The following MTA1 variants were observed in gnomAD, a reference collection of about 807,000 sequenced individuals.
MTA1 encodes metastasis associated 1.
In MTA1, 15 loss-of-function variants were observed where a neutral mutation model predicts 97.0. The ratio of observed to expected loss-of-function variants is 0.15; its 90% CI spans 0.10 to 0.24. MTA1 has a LOEUF of 0.24. MTA1 is among the 10% of genes least tolerant of loss of function. The pLI is 1.00. For missense variants in MTA1, 709 were observed against 1,015.1 expected (o/e 0.70, Z 4.10); for synonymous variants, 435 against 417.5 (o/e 1.04, Z -0.51).
intron 3 of MTA1, among the ~76,000 whole-genome samples, chr14:105,446,273 G>A (rs1423610393): frequency 6.6e-6 from 1 of 152,200 alleles, no homozygotes; most frequent in Non-Finnish European, 1.5e-5. Context: ...GTGGGGGCAG[G>A]CATGAGGGGC....
Position 105,466,438 on chromosome 14 carries a change from G to GCCCCCCCCCCCCCCCCCCCCCCCC in MTA1, c.1644_1645insCCCCCCCCCCCCCCCCCCCCCCCC (p.Pro548_Lys549insProProProProProProProPro). The GCCCCCCCCCCCCCCCCCCCCCCCC allele has an allele frequency of 1.0e-6, 1 of 988,118 alleles. No homozygotes were observed. 61.2% of individuals were successfully genotyped at this position (988,118 alleles called of 1,614,324 possible). A position where few individuals can be genotyped will look rare whatever the true frequency, so the allele number is the denominator to read the frequency against. Reference sequence around the variant, plus strand: ...TCATTCCCGGCAGAGACCCACCCCCGCCCCCCCAAGCCTGACCCCGTGAAA... The same window carrying GCCCCCCCCCCCCCCCCCCCCCCCC: ...TCATTCCCGGCAGAGACCCACCCCCGCCCCCCCCCCCCCCCCCCCCCCCCCCCCCCCAAGCCTGACCCCGTGAAA... On this transcript the variant is annotated inframe_insertion, in exon 17 of 21. Transcript: ENST00000331320.
At position 105,453,186 on chromosome 14, in the gene MTA1, G is replaced by A. The variant is rs587601770; in HGVS notation, c.433-1007G>A. Among the ~76,000 whole-genome samples, 12 of 152,400 alleles carry A rather than the reference G, an allele frequency of 7.9e-5. No individual in the cohort carries two copies. The South Asian group carries it at 1.2e-3, about 16-fold the overall frequency. On this transcript the variant is annotated intron_variant, in intron 6 of 20. Coordinates refer to ENST00000331320, the MANE Select transcript of MTA1 (RefSeq NM_004689.4). Reference sequence around the variant, plus strand: ...AGGTTGCCTGAGATGGAATGCTGGCGGGAAGGGCCGCGCCTGCTGCGCGGG... The same window carrying A: ...AGGTTGCCTGAGATGGAATGCTGGCAGGAAGGGCCGCGCCTGCTGCGCGGG...
chr14:105,440,907 C>A (rs1555425503), intron 2 of MTA1, among the ~76,000 whole-genome samples: 1 of 152,232 alleles, frequency 6.6e-6, no homozygotes, highest in African/African-American at 2.4e-5. Context: ...TGAACGCCCC[C>A]TCAAATAACA....
chr14:105,448,847 C>G (rs1288384183), intron 3 of MTA1, among the ~76,000 whole-genome samples: 1 of 152,270 alleles, frequency 6.6e-6, no homozygotes, highest in Non-Finnish European at 1.5e-5. Context: ...GTGGTCCCAT[C>G]TGGGGACCTT....
rs139111656 is a variant in MTA1 at position 105,454,629 on chromosome 14, C to T, written c.550+319C>T. The T allele has an allele frequency of 7.1e-5, 17 of 239,132 alleles. 1 individual carries two copies. In the East Asian group the frequency reaches 1.4e-3, roughly 19 times the overall value. The allele number at this position is 239,132 out of a possible 1,614,324, so 14.8% of individuals were successfully genotyped here. On this transcript the variant is annotated intron_variant, in intron 7 of 20. Transcript: ENST00000331320. The stretch of plus-strand genomic sequence containing the variant: ...GTTTTTCTTTTTCTTTTTTTTCAGA[C>T]GGAGTCTCGCTCTGTTGCCCAGGCT...
At chr14:105,441,112 G>T (rs968815861) in intron 2 of MTA1, among the ~76,000 whole-genome samples, 4 of 140,638 alleles carry the variant, frequency 2.8e-5, no homozygotes, top group Non-Finnish European at 5.9e-5. Context: ...AGGCCTGTCT[G>T]GGGGGTCAGG....
At chr14:105,453,834 G>A (rs1174266217) in intron 6 of MTA1, among the ~76,000 whole-genome samples, 2 of 152,058 alleles carry the variant, frequency 1.3e-5, no homozygotes, top group African/African-American at 4.8e-5. Flanking sequence ...AGGCAAATAA[G>A]TCATGGTTTT....
At chr14:105,461,308 C>T (rs2083338515) in intron 10 of MTA1, among the ~76,000 whole-genome samples, 1 of 152,154 alleles carries the variant, frequency 6.6e-6, no homozygotes, top group African/African-American at 2.4e-5. Flanking sequence ...CTTGGTTTTG[C>T]TTTGTTTTTG....
At chr14:105,444,173 G>A (rs1459407918) in intron 2 of MTA1, among the ~76,000 whole-genome samples, 2 of 151,114 alleles carry the variant, frequency 1.3e-5, no homozygotes, top group East Asian at 1.9e-4. Context: ...GGAGATCGAG[G>A]CCATCCTGGC....
At position 105,464,697 on chromosome 14, in the gene MTA1, G is replaced by C. The variant is rs1555432080; in HGVS notation, c.1368G>C (p.Arg456=). 2 of 1,605,392 alleles carry C rather than the reference G, an allele frequency of 1.2e-6. No homozygotes were observed. The highest frequency in any genetic ancestry group is 1.3e-5 in the African/African-American group (1 of 74,892). ...SNMSPHGLPA[R]SSGSPKFAMK... is the part of the protein sequence containing the mutation. ...AGAGTCCCCACGGCCTCCCAGCCCG[G>C]AGCAGCGGGAGCCCCAAGTTTGCCA... The change falls in exon 15 of 21, where the codon CGG becomes CGC. Residue 456 remains arginine, a synonymous_variant. Transcript: ENST00000331320.
At chr14:105,457,650 G>T (rs1337305124) in intron 7 of MTA1, among the ~76,000 whole-genome samples, 1 of 152,246 alleles carries the variant, frequency 6.6e-6, no homozygotes, top group African/African-American at 2.4e-5. Flanking sequence ...CTTGGGCCGG[G>T]CACGGTGGCT....
At chr14:105,453,033 G>A (rs970546482) in intron 6 of MTA1, among the ~76,000 whole-genome samples, 5 of 152,268 alleles carry the variant, frequency 3.3e-5, no homozygotes, top group African/African-American at 4.8e-5. Context: ...GGTCAGGCCC[G>A]GACAGGCCTG....
At chr14:105,468,314 C>T (rs1567050076) in intron 18 of MTA1, 1 of 1,304,340 alleles carries the variant, frequency 7.7e-7, no homozygotes, top group Admixed American at 2.3e-5. Flanking sequence ...TGTTTCTTCC[C>T]TCTGCTGTCC....
rs781933276 is a variant in MTA1, at chr14:105,458,383, C to A, written c.653+11C>A. The A allele has an allele frequency of 1.2e-6, 2 of 1,610,972 alleles. No individual in the cohort carries two copies. The highest frequency in any genetic ancestry group is 2.2e-5 in the South Asian group (2 of 91,014). On this transcript the variant is annotated intron_variant, in intron 8 of 20. Transcript: ENST00000331320. ...CCTGGTGGTGGCCCGGTGAGTCCTG[C>A]TCCTGGGCAAGGCCAGCAGGGGTGG...
chr14:105,446,876 G>A (rs189053318), intron 3 of MTA1, among the ~76,000 whole-genome samples: 11 of 152,292 alleles, frequency 7.2e-5, no homozygotes, highest in Admixed American at 6.5e-4. Flanking sequence ...GGCTTTGTGA[G>A]GAACTGGACC....
chr14:105,441,362 C>T lies in MTA1; in HGVS notation c.96+2623C>T, dbSNP rs191788079. ...GGCATCGGGGACCCAGCAGAATGCC[C>T]GCTACCCCAGCACCCATGGGTGCAG... On this transcript the variant is annotated intron_variant, in intron 2 of 20. Transcript: ENST00000331320. Among the ~76,000 whole-genome samples the T allele has an allele frequency of 2.1e-3, 327 of 152,300 alleles. 2 individuals carry two copies. The highest frequency in any genetic ancestry group is 2.7e-3 in the Non-Finnish European group (184 of 68,012).
chr14:105,467,420 A>G (rs1328287043), intron 18 of MTA1: 2 of 455,684 alleles, frequency 4.4e-6, no homozygotes, highest in Non-Finnish European at 8.8e-6. Flanking sequence ...GGCGACCTGG[A>G]GGTGGATATG....
chr14:105,450,249 C>T lies in MTA1; in HGVS notation c.369-12C>T. The T allele has an allele frequency of 1.2e-6, 2 of 1,609,478 alleles. No homozygotes were observed. The highest frequency in any genetic ancestry group is 1.7e-5 in the Admixed American group (1 of 59,934). The stretch of plus-strand genomic sequence containing the variant: ...CCCTCGCCTTTCCAGCCTGCCCGTC[C>T]TTCTCTTCCAGGGGCAAGTGCAGCG... On this transcript the variant is annotated splice_polypyrimidine_tract_variant and intron_variant, in intron 5 of 20. Coordinates refer to ENST00000331320, the MANE Select transcript of MTA1 (RefSeq NM_004689.4).
chr14:105,425,092 G>A (rs2141399516), intron 1 of MTA1, among the ~76,000 whole-genome samples: 1 of 152,306 alleles, frequency 6.6e-6, no homozygotes, highest in African/African-American at 2.4e-5. Flanking sequence ...CCCGGGAGGC[G>A]GCTTGGGGGA....
Sources: allele counts gnomAD v4.1 joint callset (sites outside exome capture counted in the v4.1 genomes callset), GRCh38; gene constraint gnomAD v4.1.1; transcripts MANE v1.5; gene names NCBI Gene and HGNC (gene_info 2026-07-23, HGNC 2026-07-21).